The following AKAP4 variants were observed in gnomAD, a reference collection of about 807,000 sequenced individuals.
AKAP4 encodes A-kinase anchoring protein 4.
A neutral mutation model predicts 42.6 loss-of-function variants in AKAP4; 4 were observed. That is an observed-to-expected ratio of 0.09 (90% CI 0.05 to 0.22). The LOEUF (loss-of-function observed/expected upper bound fraction) is 0.22. Among genes scored for constraint, AKAP4 ranks in the 10% least tolerant of loss-of-function variants. AKAP4 has a pLI of 1.00. For synonymous variants in AKAP4, 223 were observed against 233.0 expected, an observed-to-expected ratio of 0.96 and a Z score of 0.39; for missense variants, 551 against 630.7, an observed-to-expected ratio of 0.87 and a Z score of 1.35.
intron 4 of AKAP4, among the ~76,000 whole-genome samples, chrX:50,195,882 ATTCC>A (rs1935184725): frequency 9.0e-6 from 1 of 111,010 alleles, no homozygotes; most frequent in African/African-American, 3.3e-5. Flanking sequence ...ATATACACAT[ATTCC>A]ACCCAACACT....
intron 4 of AKAP4, 70 bp from the exon 5 acceptor site, chrX:50,194,506 G>A: frequency 3.4e-6 from 3 of 875,433 alleles, no homozygotes; most frequent in Non-Finnish European, 4.7e-6. Context: ...TTATTTAGAA[G>A]ATGTATCAGA....
At chrX:50,198,315 T>G (rs1557204550) in intron 2 of AKAP4, among the ~76,000 whole-genome samples, 1 of 110,987 alleles carries the variant, frequency 9.0e-6, no homozygotes, top group East Asian at 2.8e-4. Flanking sequence ...CATTTTGCCC[T>G]CCTGAGGGGT....
In AKAP4 at chrX:50,194,036, G is replaced by A. The variant is rs2146962445; in HGVS notation, c.677C>T (p.Ser226Phe). The change falls in exon 5 of 6, where the codon TCT becomes TTT. Residue 226 changes from serine to phenylalanine, a missense_variant. Coordinates refer to ENST00000358526, the MANE Select transcript of AKAP4 (RefSeq NM_003886.3). ...CTTATGGGCCATCTGGATTACCAGA[G>A]AAGATAGTCGGTTGACGTAGAAGGA... ...DLSFYVNRLS[S>F]LVIQMAHKEI... The A allele has an allele frequency of 2.5e-6, 3 of 1,211,778 alleles. No homozygotes were observed. In the South Asian group the frequency reaches 5.3e-5, roughly 21 times the overall value.
chrX:50,192,571 A>G lies in AKAP4; in HGVS notation c.2142T>C (p.Tyr714=), dbSNP rs1557203785. The part of the protein sequence containing the change: ...VMKLCLIMAK[Y]SNDGAALAEL... ...CAGCAAGGGCTGCCCCATCGTTGCT[A>G]TACTTAGCCATGATAAGGCAGAGCT... Residue 714 remains tyrosine (Y), a synonymous_variant, in exon 5 of 6, where the codon TAT becomes TAC. Transcript: ENST00000358526. 8.3e-7 allele frequency: 1 copy of G among 1,211,606 alleles called. No individual in the cohort carries two copies. Among genetic ancestry groups the G allele is most frequent in the South Asian group, 1.8e-5 (1 of 56,977 alleles).
chrX:50,191,659 T>TGTGTGAGA (rs1363221828), intron 5 of AKAP4, among the ~76,000 whole-genome samples: 14 of 43,595 alleles, frequency 3.2e-4, no homozygotes, highest in African/African-American at 9.7e-4. Flanking sequence ...TGTGTGTGTG[T>TGTGTGAGA]GAGAGAGAGA....
rs782215128 is a variant in AKAP4 at position 50,192,716 on chromosome X, A to G, written c.1997T>C (p.Met666Thr). The G allele has an allele frequency of 7.4e-6, 9 of 1,212,118 alleles. No individual in the cohort carries two copies. In the Admixed American group the frequency reaches 2.0e-4, roughly 26 times the overall value. Residue 666 changes from methionine to threonine, a missense_variant, in exon 5 of 6, where the codon ATG becomes ACG. Physicochemically the swap from Met to Thr is moderately conservative, Grantham distance 81. Transcript: ENST00000358526. The stretch of plus-strand genomic sequence containing the variant: ...TTCCGCTTTGTCAGATCTGTTGGAC[A>G]TGGAAGCTGCTTTGCTTGCCCTGGG... ...SEPRASKAAS[M>T]SNRSDKAEEQ... is the part of the protein sequence containing the mutation.
chrX:50,193,967 T>C lies in AKAP4; in HGVS notation c.746A>G (p.His249Arg). The C allele has an allele frequency of 8.3e-7, 1 of 1,211,538 alleles. No homozygotes were observed. The highest frequency in any genetic ancestry group is 1.1e-6 in the Non-Finnish European group (1 of 895,367). Residue 249 changes from histidine to arginine, a missense_variant, in exon 5 of 6, where the codon CAT becomes CGT. Physicochemically the swap from His to Arg is conservative, Grantham distance 29 (BLOSUM62 0). Transcript: ENST00000358526. ...KLEGKSKCLH[H>R]SICPSPGNKE... ...GTTCCCAGGGGATGGACAGATTGAA[T>C]GATGAAGGCATTTGCTTTTACCTTC...
chrX:50,200,882 G>C lies in AKAP4; in HGVS notation c.8C>G (p.Ala3Gly), dbSNP rs782110275. MM[A>G]YSDTTMMSDD... Reference sequence around the variant, plus strand: ...CCCTACCATTGTAGTATCAGAGTACGCCATCATGTAGGACCCTGGAATGAT... The same window carrying C: ...CCCTACCATTGTAGTATCAGAGTACCCCATCATGTAGGACCCTGGAATGAT... The change falls in exon 1 of 6, where the codon GCG (alanine) becomes GGG (glycine). Residue 3 changes from alanine (A) to glycine (G), a missense_variant. Transcript: ENST00000358526. 8.3e-7 allele frequency: 1 copy of C among 1,206,062 alleles called. No individual in the cohort carries two copies. Among genetic ancestry groups the C allele is most frequent in the African/African-American group, 1.8e-5 (1 of 57,081 alleles).
chrX:50,193,850 C>T lies in AKAP4; in HGVS notation c.863G>A (p.Gly288Asp). The T allele has an allele frequency of 8.3e-7, 1 of 1,211,781 alleles. No individual in the cohort carries two copies. The highest frequency in any genetic ancestry group is 2.2e-5 in the Admixed American group (1 of 46,059). The change falls in exon 5 of 6, where the codon GGC (glycine) becomes GAC (aspartate). Residue 288 changes from glycine (G) to aspartate (D), a missense_variant. By Grantham distance (94) the Gly-to-Asp change is moderately conservative (BLOSUM62 -1). Transcript: ENST00000358526. ...AVELTAAEMR[G>D]TGEESREGGQ... The stretch of plus-strand genomic sequence containing the variant: ...ACCTTCCCTGGACTCCTCTCCAGTG[C>T]CACGCATTTCTGCAGCTGTCAGTTC...
chrX:50,195,074 A>C (rs1398201477), intron 4 of AKAP4, among the ~76,000 whole-genome samples: 4 of 112,034 alleles, frequency 3.6e-5, no homozygotes, highest in African/African-American at 1.3e-4. Context: ...TGCAGCTATA[A>C]ATGCATTTAT....
In AKAP4 at chrX:50,192,340, G is replaced by A; in HGVS notation, c.2373C>T (p.Leu791=). The A allele has an allele frequency of 1.7e-6, 2 of 1,205,259 alleles. No individual in the cohort carries two copies. Among genetic ancestry groups the A allele is most frequent in the South Asian group, 3.6e-5 (2 of 55,154 alleles). The change falls in exon 5 of 6, where the codon CTC becomes CTT. Residue 791 remains leucine (L), a synonymous_variant. Transcript: ENST00000358526. ...IAASQFNVPM[L]YFMGDKDGQL... is the part of the protein sequence containing the mutation. Reference sequence around the variant, plus strand: ...GTCCATCCTTATCTCCCATGAAGTAGAGCATGGGCACGTTAAACTGGGAGG... The same window carrying A: ...GTCCATCCTTATCTCCCATGAAGTAAAGCATGGGCACGTTAAACTGGGAGG...
At position 50,196,854 on chromosome X, in the gene AKAP4, GA is replaced by G; in HGVS notation, c.276+36del. On this transcript the variant is annotated intron_variant, in intron 4 of 5. Transcript: ENST00000358526. ...CCTCAGACTCATCATTGAGCTCTGAGAATTAGAAGTGGTGGGATCTCAGAGG... is the reference window on the plus strand; with the variant it reads ...CCTCAGACTCATCATTGAGCTCTGAGATTAGAAGTGGTGGGATCTCAGAGG... 3 of 1,035,022 alleles carry G rather than the reference GA, an allele frequency of 2.9e-6. No homozygotes were observed. In the South Asian group the frequency reaches 5.7e-5, roughly 20 times the overall value. The allele number at this position is 1,035,022 out of a possible 1,213,427, so 85.3% of individuals were successfully genotyped here.
At chrX:50,194,862 G>A (rs188706445) in intron 4 of AKAP4, among the ~76,000 whole-genome samples, 458 of 111,606 alleles carry the variant, frequency 4.1e-3, no homozygotes, top group African/African-American at 0.014. Context: ...CTAAGCATGT[G>A]TAATAATGTG....
chrX:50,191,522 A>T (rs1412205971), intron 5 of AKAP4, among the ~76,000 whole-genome samples: 4 of 109,917 alleles, frequency 3.6e-5, no homozygotes, highest in African/African-American at 1.3e-4. Flanking sequence ...TGGAGTAGGG[A>T]GGATTGTCTG....
chrX:50,195,724 C>T (rs1935181883), intron 4 of AKAP4, among the ~76,000 whole-genome samples: 1 of 111,603 alleles, frequency 9.0e-6, no homozygotes, highest in African/African-American at 3.3e-5. Context: ...TGTAGCCAAG[C>T]ATGTATTTAT....
At chrX:50,195,376 C>A (rs1557204260) in intron 4 of AKAP4, among the ~76,000 whole-genome samples, 5 of 111,865 alleles carry the variant, frequency 4.5e-5, no homozygotes, top group African/African-American at 1.6e-4. Context: ...TACGAACAAA[C>A]AAGTGTGTTA....
At chrX:50,198,566 C>A in intron 2 of AKAP4, 91 bp downstream of exon 2, 1 of 651,302 alleles carries the variant, frequency 1.5e-6, no homozygotes, top group African/African-American at 2.2e-5. Context: ...GTCAGGGTAT[C>A]ATCGTCCATT....
At chrX:50,198,549 T>C (rs1935219929) in intron 2 of AKAP4, 108 bp downstream of exon 2, 2 of 534,252 alleles carry the variant, frequency 3.7e-6, no homozygotes, top group Admixed American at 6.1e-5. Context: ...CTTGGTTGCT[T>C]GGAGAAGTCA....
In AKAP4 at chrX:50,192,479, C is replaced by A. The variant is rs1557203747; in HGVS notation, c.2234G>T (p.Gly745Val). Reference protein sequence around the residue: ...NFRGTRCIHSGAMPQNYQDSL... With the variant: ...NFRGTRCIHSVAMPQNYQDSL... ...GTCTTGATAGTTCTGTGGCATTGCA[C>A]CACTGTGAATGCATCTGGTGCCCCT... Residue 745 changes from glycine to valine, a missense_variant, in exon 5 of 6, where the codon GGT (glycine) becomes GTT (valine). Physicochemically the swap from Gly to Val is moderately radical, Grantham distance 109. Transcript: ENST00000358526. 1.3e-5 allele frequency: 16 copies of A among 1,210,651 alleles called. No homozygotes were observed. Among genetic ancestry groups the A allele is most frequent in the Non-Finnish European group, 1.8e-5 (16 of 895,023 alleles).
Sources: gnomAD v4.1 joint callset for allele counts (sites outside exome capture counted in the v4.1 genomes callset) on GRCh38, gnomAD v4.1.1 for gene constraint, MANE v1.5 for transcripts, NCBI Gene and HGNC (gene_info 2026-07-23, HGNC 2026-07-21) for gene names.